Variants in GOSR2 observed in about 807,000 individuals in gnomAD.
GOSR2 encodes golgi SNAP receptor complex member 2, also known as 27 kDa Golgi SNARE protein.
Under a neutral mutation model 27.9 loss-of-function variants are expected in GOSR2, and 20 were observed. The ratio of observed to expected loss-of-function variants is 0.72; its 90% CI spans 0.50 to 1.04. GOSR2 has a LOEUF of 1.04. GOSR2 is among the 50% of genes least tolerant of loss of function. The probability of loss-of-function intolerance (pLI) is 0.00; values close to 1 mark genes in which losing one functional copy is unlikely to be tolerated. For synonymous variants in GOSR2, 91 were observed against 98.8 expected (o/e 0.92, Z 0.47); for missense variants, 261 against 270.5 (o/e 0.97, Z 0.25).
Position 46,936,746 on chromosome 17 carries a change from T to C in GOSR2, c.477+1577T>C, listed in dbSNP as rs959259530. On this transcript the variant is annotated intron_variant, in intron 5 of 5. Coordinates refer to ENST00000640051, the MANE Select transcript of GOSR2 (RefSeq NM_004287.5). ...GTGTGTTCAGAGCCAAGCAGGACTT[T>C]AGCAAGAGTCTGATTGTATTGTCAC... The C allele has an allele frequency of 7.1e-6, 7 of 984,202 alleles. No individual in the cohort carries two copies. In the African/African-American group the frequency reaches 1.2e-4, roughly 17 times the overall value. The allele number at this position is 984,202 out of a possible 1,614,324, so 61.0% of individuals were successfully genotyped here. A position where few individuals can be genotyped will look rare whatever the true frequency, so the allele number is the denominator to read the frequency against.
At chr17:46,973,862 A>AT in intron 6 of GOSR2, among the ~76,000 whole-genome samples, 1 of 152,214 alleles carries the variant, frequency 6.6e-6, no homozygotes, top group African/African-American at 2.4e-5. Context: ...GGAATGCTGG[A>AT]TGGGGGCCAT....
Position 46,935,056 on chromosome 17 carries a change from G to C in GOSR2, c.364G>C (p.Glu122Gln). 1 of 1,612,502 alleles carries C rather than the reference G, an allele frequency of 6.2e-7. No individual in the cohort carries two copies. Among genetic ancestry groups the C allele is most frequent in the Non-Finnish European group, 8.5e-7 (1 of 1,178,462 alleles). The change falls in exon 5 of 6, where the codon GAA (glutamate) becomes CAA (glutamine). Residue 122 changes from glutamate to glutamine, a missense_variant. By Grantham distance (29) the Glu-to-Gln change is conservative. Transcript: ENST00000640051. ...CTCTGACACCACCATACCAATGGAC[G>C]AATCACTGCAGTTTAACTCCTCCCT... is the stretch of plus-strand genomic sequence containing the variant. ...NDSDTTIPMDESLQFNSSLQK... is the reference protein window; with the variant it reads ...NDSDTTIPMDQSLQFNSSLQK...
intron 1 of GOSR2, among the ~76,000 whole-genome samples, chr17:46,925,138 A>G (rs1274644198): frequency 1.3e-5 from 2 of 152,322 alleles, no homozygotes; most frequent in Non-Finnish European, 1.5e-5. Flanking sequence ...TTTTCTATTA[A>G]GGGCCAGATA....
intron 3 of GOSR2, chr17:46,931,417 T>A (rs2087360335): frequency 2.4e-5 from 14 of 594,748 alleles, no homozygotes; most frequent in Non-Finnish European, 4.2e-5. Context: ...CTCAGAAACC[T>A]TGTGACCCCT....
In GOSR2 at chr17:46,940,764, C is replaced by A; in HGVS notation, c.*2004C>A. ...CTCATGCTGCACCTTCAGAGCCAGT[C>A]CTCTAGTTTGGAATAAAAATTGCAG... On this transcript the variant is annotated 3_prime_UTR_variant, in exon 6 of 6. Transcript: ENST00000640051. 1 of 1,536,644 alleles carries A rather than the reference C, an allele frequency of 6.5e-7. No individual in the cohort carries two copies. Among genetic ancestry groups the A allele is most frequent in the South Asian group, 1.2e-5 (1 of 84,812 alleles).
chr17:46,925,175 T>C (rs899293478), intron 1 of GOSR2, among the ~76,000 whole-genome samples: 7 of 152,342 alleles, frequency 4.6e-5, no homozygotes, highest in Non-Finnish European at 7.3e-5. Flanking sequence ...CTGTGGGCTA[T>C]ACGGTCTCTG....
rs746345608 is a variant in GOSR2, at chr17:46,935,217, C to T, written c.477+48C>T. ...GAGAGAAGGCCTCTTGTTTTAGCCT[C>T]ATCCAACAGTTTAGTAACTGTGTTT... On this transcript the variant is annotated intron_variant, in intron 5 of 5. Transcript: ENST00000640051. 1.5e-5 allele frequency: 24 copies of T among 1,611,608 alleles called. No individual in the cohort carries two copies. In the East Asian group the frequency reaches 3.6e-4, roughly 24 times the overall value.
At position 46,932,182 on chromosome 17, in the gene GOSR2, C is replaced by G. The variant is rs201616211; in HGVS notation, c.319C>G (p.Arg107Gly). The change falls in exon 4 of 6, where the codon CGA becomes GGA. Residue 107 changes from arginine to glycine, a missense_variant. Arg to Gly is a moderately radical substitution (Grantham distance 125, BLOSUM62 -2). Transcript: ENST00000640051. ...GAGACAGCGAGAAGAGCTTCTGTCT[C>G]GAACCTTCACCACTAACGTAAGCCA... ...QERQREELLS[R>G]TFTTNDSDTT... 6 of 1,614,118 alleles carry G rather than the reference C, an allele frequency of 3.7e-6. No individual in the cohort carries two copies. Among genetic ancestry groups the G allele is most frequent in the Non-Finnish European group, 4.2e-6 (5 of 1,180,026 alleles).
rs377765254 is a variant in GOSR2 at position 46,931,153 on chromosome 17, G to T, written c.149G>T (p.Arg50Leu). Reference sequence around the variant, plus strand: ...GACCAGATATTCAGCCGTCTAGAACGTCTGGAGATTTTGTCCAGCAAGGAG... The same window carrying T: ...GACCAGATATTCAGCCGTCTAGAACTTCTGGAGATTTTGTCCAGCAAGGAG... Reference protein sequence around the residue: ...SIDQIFSRLERLEILSSKEPP... With the variant: ...SIDQIFSRLELLEILSSKEPP... Residue 50 changes from arginine (R) to leucine (L), a missense_variant, in exon 3 of 6, where the codon CGT becomes CTT. Arg to Leu is a moderately radical substitution (Grantham distance 102). Transcript: ENST00000640051. The T allele has an allele frequency of 2.5e-6, 4 of 1,611,834 alleles. No homozygotes were observed. Among genetic ancestry groups the T allele is most frequent in the Non-Finnish European group, 2.5e-6 (3 of 1,177,926 alleles).
intron 5 of GOSR2, chr17:46,935,523 C>T: frequency 7.8e-7 from 1 of 1,275,954 alleles, no homozygotes; most frequent in Non-Finnish European, 9.9e-7. Context: ...ACGTGGCTGT[C>T]CTTTGGTACC....
chr17:46,927,372 T>A (rs1254567801), intron 1 of GOSR2, among the ~76,000 whole-genome samples: 1 of 152,236 alleles, frequency 6.6e-6, no homozygotes, highest in East Asian at 1.9e-4. Context: ...TTTGTTTTCA[T>A]GTTGTCAGAT....
At chr17:46,966,093 TCTC>T (rs147855618) in intron 6 of GOSR2, among the ~76,000 whole-genome samples, 120 of 152,308 alleles carry the variant, frequency 7.9e-4, no homozygotes, top group African/African-American at 2.7e-3. Flanking sequence ...GGATCATTTC[TCTC>T]CTCCTCATCT....
Position 46,935,096 on chromosome 17 carries a change from A to G in GOSR2, c.404A>G (p.Asn135Ser), listed in dbSNP as rs765513191. Residue 135 changes from asparagine (N) to serine (S), a missense_variant, in exon 5 of 6, where the codon AAC becomes AGC. Asn to Ser is a conservative substitution (Grantham distance 46). Transcript: ENST00000640051. ...AACTCCTCCCTCCAGAAAGTTCACAACGGCATGGATGACCTCATTTTAGAT... is the reference window on the plus strand; with the variant it reads ...AACTCCTCCCTCCAGAAAGTTCACAGCGGCATGGATGACCTCATTTTAGAT... ...QFNSSLQKVH[N>S]GMDDLILDGH... 7.4e-6 allele frequency: 12 copies of G among 1,613,318 alleles called. No homozygotes were observed. The African/African-American group carries it at 1.1e-4, about 14-fold the overall frequency.
intron 1 of GOSR2, chr17:46,923,533 G>A: frequency 7.5e-7 from 1 of 1,340,224 alleles, no homozygotes; most frequent in Non-Finnish European, 9.5e-7. Context: ...TCCAGCACTT[G>A]TCAACTCGGT....
At position 46,941,298 on chromosome 17, in the gene GOSR2, G is replaced by A; in HGVS notation, c.*2538G>A. 1 of 985,580 alleles carries A rather than the reference G, an allele frequency of 1.0e-6. No individual in the cohort carries two copies. Among genetic ancestry groups the A allele is most frequent in the Non-Finnish European group, 1.2e-6 (1 of 830,062 alleles). 61.1% of individuals were successfully genotyped at this position (985,580 alleles called of 1,614,324 possible). Reference sequence around the variant, plus strand: ...TTGAATGGGTTTGATTTGCAAATTTGGATTTACACCCATTGTTTTGGAAGC... The same window carrying A: ...TTGAATGGGTTTGATTTGCAAATTTAGATTTACACCCATTGTTTTGGAAGC... On this transcript the variant is annotated 3_prime_UTR_variant, in exon 6 of 6. Coordinates refer to ENST00000640051, the MANE Select transcript of GOSR2 (RefSeq NM_004287.5).
At chr17:46,923,521 T>C (rs955698522) in intron 1 of GOSR2, 3 of 1,356,918 alleles carry the variant, frequency 2.2e-6, no homozygotes, top group Non-Finnish European at 2.8e-6. Flanking sequence ...TATAAAACTT[T>C]GTCCAGCACT....
At chr17:46,967,291 C>T (rs1230082855), downstream of GOSR2, among the ~76,000 whole-genome samples, 1 of 152,232 alleles carries the variant, frequency 6.6e-6, no homozygotes, top group African/African-American at 2.4e-5. Context: ...AAACAAGTCT[C>T]TTACCCTTGC....
At chr17:46,929,413 T>C in intron 1 of GOSR2, 107 bp from the exon 2 acceptor site, 1 of 736,974 alleles carries the variant, frequency 1.4e-6, no homozygotes, top group Non-Finnish European at 2.5e-6. Context: ...TCAGTGATGC[T>C]GTCGATTTAA....
intron 5 of GOSR2, chr17:46,937,991 G>A (rs75632336): frequency 0.058 from 9,263 of 158,718 alleles, 387 homozygotes; most frequent in Non-Finnish European, 0.087. Context: ...CCTTAGCCTC[G>A]CAAGTAGCTA....
Sources: gnomAD v4.1 joint callset for allele counts (sites outside exome capture counted in the v4.1 genomes callset) on GRCh38, gnomAD v4.1.1 for gene constraint, MANE v1.5 for transcripts, NCBI Gene and HGNC (gene_info 2026-07-23, HGNC 2026-07-21) for gene names.